CLIP4: variants seen among roughly 807,000 people sequenced by gnomAD.
The protein encoded by CLIP4 is CAP-Gly domain-containing linker protein 4.
A neutral mutation model predicts 73.1 loss-of-function variants in CLIP4; 47 were observed. The ratio of observed to expected loss-of-function variants is 0.64; its 90% confidence interval spans 0.51 to 0.82. CLIP4 has a LOEUF of 0.82. Ranked by LOEUF, CLIP4 falls within the 40% of genes least tolerant of loss-of-function variation. CLIP4 has a pLI of 0.00. For synonymous variants in CLIP4, 306 were observed against 295.4 expected (o/e 1.04, Z -0.37); for missense variants, 874 against 852.9 (o/e 1.02, Z -0.31).
At chr2:29,123,738 T>C (rs1259821211) in intron 2 of CLIP4, among the ~76,000 whole-genome samples, 1 of 152,182 alleles carries the variant, frequency 6.6e-6, no homozygotes, top group East Asian at 1.9e-4. Flanking sequence ...GGCCAGGTCA[T>C]GCGGGGTCAT....
intron 1 of CLIP4, among the ~76,000 whole-genome samples, chr2:29,116,881 G>A (rs543757022): frequency 6.6e-6 from 1 of 152,258 alleles, no homozygotes; most frequent in African/African-American, 2.4e-5. Flanking sequence ...ACCAGCAAGG[G>A]CTTTTAAAAA....
chr2:29,135,314 T>C (rs544224603), intron 5 of CLIP4, among the ~76,000 whole-genome samples: 17 of 152,320 alleles, frequency 1.1e-4, no homozygotes, highest in Non-Finnish European at 2.4e-4. Context: ...AGTTTGAAAA[T>C]CCAAGATAAT....
At chr2:29,148,287 T>C (rs963429198) in intron 8 of CLIP4, among the ~76,000 whole-genome samples, 1 of 152,214 alleles carries the variant, frequency 6.6e-6, no homozygotes, top group Non-Finnish European at 1.5e-5. Flanking sequence ...TGGTTTTCTC[T>C]CTTTCCAAAT....
At position 29,145,963 on chromosome 2, in the gene CLIP4, T is replaced by C. The variant is rs1666136560; in HGVS notation, c.1021+596T>C. On this transcript the variant is annotated intron_variant, in intron 8 of 15. Transcript: ENST00000320081. ...TCCCAAAGTGCAGGGATTACAGGCA[T>C]GAGCCACTGTGCCTGGCCAACCATG... Among the ~76,000 whole-genome samples the C allele has an allele frequency of 3.3e-5, 5 of 152,232 alleles. No individual in the cohort carries two copies. In the South Asian group the frequency reaches 1.0e-3, roughly 32 times the overall value.
chr2:29,176,494 AGAG>A (rs1156539490), intron 15 of CLIP4, among the ~76,000 whole-genome samples: 1 of 152,222 alleles, frequency 6.6e-6, no homozygotes, highest in East Asian at 1.9e-4. Flanking sequence ...GCAAGCTGGG[AGAG>A]GAGAAGGAAC....
chr2:29,135,478 C>A, intron 5 of CLIP4, 70 bp from the exon 6 acceptor site: 1 of 1,147,306 alleles, frequency 8.7e-7, no homozygotes, highest in Non-Finnish European at 1.3e-6. Flanking sequence ...TCCCAAAGCC[C>A]TGTCTTCTTT....
chr2:29,177,790 G>T (rs575012737), intron 15 of CLIP4, among the ~76,000 whole-genome samples: 183 of 152,200 alleles, frequency 1.2e-3, no homozygotes, highest in African/African-American at 4.2e-3. Flanking sequence ...TGATTATTAT[G>T]TACAAATACC....
At chr2:29,140,344 C>T (rs1271338246) in intron 6 of CLIP4, among the ~76,000 whole-genome samples, 1 of 151,940 alleles carries the variant, frequency 6.6e-6, no homozygotes, top group African/African-American at 2.4e-5. Context: ...GTTTTTTGTC[C>T]TTGCGATAGT....
intron 12 of CLIP4, 124 bp from the exon 13 acceptor site, chr2:29,163,707 A>C: frequency 3.5e-6 from 3 of 862,736 alleles, no homozygotes; most frequent in Non-Finnish European, 5.1e-6. Context: ...AATGAGTATC[A>C]TGATCTTCCC....
intron 13 of CLIP4, among the ~76,000 whole-genome samples, chr2:29,165,341 T>C (rs1204465035): frequency 6.6e-6 from 1 of 152,110 alleles, no homozygotes; most frequent in Non-Finnish European, 1.5e-5. Flanking sequence ...CTGGGGTCTG[T>C]TTGCAGGGCC....
At chr2:29,133,159 A>T (rs1242773918) in intron 4 of CLIP4, among the ~76,000 whole-genome samples, 1 of 152,206 alleles carries the variant, frequency 6.6e-6, no homozygotes, top group Admixed American at 6.5e-5. Flanking sequence ...CTACACTGCA[A>T]TCTGGGTGAC....
At chr2:29,117,520 TG>T (rs1219822614) in intron 1 of CLIP4, among the ~76,000 whole-genome samples, 6 of 152,170 alleles carry the variant, frequency 3.9e-5, no homozygotes, top group East Asian at 1.9e-4. Context: ...ATTTTTGCTG[TG>T]GGGTTTCACC....
At chr2:29,142,712 A>G (rs1255786939) in intron 6 of CLIP4, among the ~76,000 whole-genome samples, 1 of 152,246 alleles carries the variant, frequency 6.6e-6, no homozygotes, top group Admixed American at 6.5e-5. Context: ...TCATTTTTCC[A>G]TGTGAATCAT....
intron 11 of CLIP4, among the ~76,000 whole-genome samples, chr2:29,159,664 C>G (rs1260549033): frequency 7.9e-6 from 1 of 126,212 alleles, no homozygotes; most frequent in Admixed American, 9.7e-5. Context: ...TTGGTCAACA[C>G]AGCAAGACCC....
At chr2:29,147,634 T>C (rs1258772838) in intron 8 of CLIP4, among the ~76,000 whole-genome samples, 3 of 152,172 alleles carry the variant, frequency 2.0e-5, no homozygotes, top group African/African-American at 7.2e-5. Context: ...TATTTCTGTG[T>C]AATGTAAGGT....
At chr2:29,171,279 GTT>G (rs1383334491) in intron 14 of CLIP4, among the ~76,000 whole-genome samples, 2 of 152,048 alleles carry the variant, frequency 1.3e-5, no homozygotes, top group Non-Finnish European at 2.9e-5. Flanking sequence ...TTCCATCAGA[GTT>G]TTATAGTTTT....
chr2:29,157,385 T>G, intron 11 of CLIP4, 38 bp downstream of exon 11: 1 of 1,613,824 alleles, frequency 6.2e-7, no homozygotes, highest in Non-Finnish European at 8.5e-7. Context: ...TCTTGGTGTT[T>G]TTTATCTTGG....
At position 29,143,633 on chromosome 2, in the gene CLIP4, T is replaced by C. The variant is rs938652474; in HGVS notation, c.649-76T>C. On this transcript the variant is annotated intron_variant, in intron 6 of 15. Transcript: ENST00000320081. ...GATGAATGAATTTAACGTAAAGTTC[T>C]TCCAACAGAAATTTTATATGACTTT... 3.5e-5 allele frequency: 35 copies of C among 992,132 alleles called. 1 individual carries two copies. In the Middle Eastern group the frequency reaches 1.1e-3, roughly 32 times the overall value. 61.5% of individuals were successfully genotyped at this position (992,132 alleles called of 1,614,324 possible).
In CLIP4 at chr2:29,132,002, A is replaced by T; in HGVS notation, c.274-150A>T. The T allele has an allele frequency of 9.2e-6, 5 of 546,404 alleles. No individual in the cohort carries two copies. The South Asian group carries it at 1.4e-4, about 15-fold the overall frequency. 33.8% of individuals were successfully genotyped at this position (546,404 alleles called of 1,614,324 possible). On this transcript the variant is annotated intron_variant, in intron 3 of 15. Transcript: ENST00000320081. Reference sequence around the variant, plus strand: ...ATTGTTGTTGAGTACAGATTTAAAAATTTACCCTTAAGATATGCTCATACT... The same window carrying T: ...ATTGTTGTTGAGTACAGATTTAAAATTTTACCCTTAAGATATGCTCATACT...
Sources: gnomAD v4.1 joint callset for allele counts (sites outside exome capture counted in the v4.1 genomes callset) on GRCh38, gnomAD v4.1.1 for gene constraint, MANE v1.5 for transcripts, NCBI Gene and HGNC (gene_info 2026-07-23, HGNC 2026-07-21) for gene names.